The following ARID2 variants were observed in gnomAD, a reference collection of about 807,000 sequenced individuals.
ARID2 encodes the protein AT-rich interaction domain 2.
A neutral mutation model predicts 184.6 loss-of-function variants in ARID2; 32 were observed. The observed-to-expected ratio is 0.17, with a 90% CI of 0.13 to 0.23. ARID2 has a LOEUF of 0.23. Ranked by LOEUF, ARID2 falls within the 10% of genes least tolerant of loss-of-function variation. The pLI is 1.00. For missense variants in ARID2, 1,696 were observed against 2,197.6 expected (o/e 0.77, Z 4.56); for synonymous variants, 836 against 772.6 (o/e 1.08, Z -1.36).
chr12:45,836,555 A>G (rs1487099048), intron 6 of ARID2, 34 bp from the exon 7 acceptor site: 6 of 1,575,882 alleles, frequency 3.8e-6, no homozygotes, highest in Non-Finnish European at 5.2e-6. Context: ...TAGTTGTTTC[A>G]AATCATGGAG....
intron 6 of ARID2, among the ~76,000 whole-genome samples, chr12:45,833,767 T>C (rs1943163981): frequency 6.6e-6 from 1 of 152,228 alleles, no homozygotes; most frequent in East Asian, 1.9e-4. Context: ...TTCTCTATTC[T>C]AGGAATTGTT....
intron 3 of ARID2, among the ~76,000 whole-genome samples, chr12:45,736,581 G>T (rs570420147): frequency 6.6e-6 from 1 of 152,092 alleles, no homozygotes; most frequent in Non-Finnish European, 1.5e-5. Context: ...GATAAAAATG[G>T]ATTTTGTCTG....
chr12:45,907,210 G>A lies in ARID2; in HGVS notation c.*2132G>A, dbSNP rs1403597366. 4.3e-6 allele frequency: 1 copy of A among 232,730 alleles called. No homozygotes were observed. Among genetic ancestry groups the A allele is most frequent in the African/African-American group, 2.2e-5 (1 of 45,290 alleles). The allele number at this position is 232,730 out of a possible 1,614,324, so 14.4% of individuals were successfully genotyped here. On this transcript the variant is annotated 3_prime_UTR_variant, in exon 21 of 21. Transcript: ENST00000334344. ...GCCTTCAGAGCCCTCAAACTTACAAGCACCTGGTAGTTGACATCATATGGG... is the reference window on the plus strand; with the variant it reads ...GCCTTCAGAGCCCTCAAACTTACAAACACCTGGTAGTTGACATCATATGGG...
In ARID2 at chr12:45,738,124, G is replaced by T. The variant is rs536979201; in HGVS notation, c.284+6810G>T. 4.6e-5 allele frequency among the ~76,000 whole-genome samples: 7 copies of T among 151,730 alleles called. No individual in the cohort carries two copies. In the East Asian group the frequency reaches 1.4e-3, roughly 29 times the overall value. On this transcript the variant is annotated intron_variant, in intron 3 of 20. Coordinates refer to ENST00000334344, the MANE Select transcript of ARID2 (RefSeq NM_152641.4). ...AACTTTACTATATTCTTTCCAAATG[G>T]GGTACCATTTGTTTTACTGAATTTA...
intron 3 of ARID2, among the ~76,000 whole-genome samples, chr12:45,780,334 AGT>A (rs1942065711): frequency 6.6e-6 from 1 of 152,144 alleles, no homozygotes; most frequent in African/African-American, 2.4e-5. Context: ...ATGGCCTTAT[AGT>A]TAAAGAATGA....
chr12:45,811,560 C>G lies in ARID2; in HGVS notation c.418+9C>G. ...GCAACACAGTGTGTCGGGTAAATAT[C>G]ACTGCAAATTAACAGGATATATGTC... On this transcript the variant is annotated intron_variant, in intron 4 of 20. Transcript: ENST00000334344. 2 of 1,611,530 alleles carry G rather than the reference C, an allele frequency of 1.2e-6. No individual in the cohort carries two copies. The highest frequency in any genetic ancestry group is 2.2e-5 in the South Asian group (2 of 90,502).
At chr12:45,880,695 C>T (rs1331117333) in intron 16 of ARID2, among the ~76,000 whole-genome samples, 1 of 152,208 alleles carries the variant, frequency 6.6e-6, no homozygotes, top group African/African-American at 2.4e-5. Context: ...ATGCTCAACA[C>T]TTAACAGATG....
intron 4 of ARID2, among the ~76,000 whole-genome samples, chr12:45,816,858 T>G (rs1206701814): frequency 1.3e-5 from 2 of 152,156 alleles, no homozygotes; most frequent in Non-Finnish European, 2.9e-5. Context: ...GGAAAGTAAA[T>G]TTGATTTGTA....
chr12:45,776,513 A>T (rs73290797), intron 3 of ARID2, among the ~76,000 whole-genome samples: 3 of 152,220 alleles, frequency 2.0e-5, no homozygotes, highest in Non-Finnish European at 2.9e-5. Context: ...TCACTATTTT[A>T]AAAAAGCCCT....
rs1944543808 is a variant in ARID2 at position 45,907,489 on chromosome 12, C to T, written c.*2411C>T. 4.3e-6 allele frequency: 1 copy of T among 233,298 alleles called. No homozygotes were observed. The highest frequency in any genetic ancestry group is 8.5e-6 in the Non-Finnish European group (1 of 117,854). 14.5% of individuals were successfully genotyped at this position (233,298 alleles called of 1,614,324 possible). On this transcript the variant is annotated 3_prime_UTR_variant, in exon 21 of 21. Transcript: ENST00000334344. ...AATATGACTGTAGCCTTTTAAGCTT[C>T]AGTCTCAGCAGAGAATTTCCTAAAT...
chr12:45,756,173 T>G (rs1273437316), intron 3 of ARID2, among the ~76,000 whole-genome samples: 1 of 152,212 alleles, frequency 6.6e-6, no homozygotes, highest in African/African-American at 2.4e-5. Flanking sequence ...ACCAAAGTGC[T>G]GGGATTACAG....
intron 3 of ARID2, among the ~76,000 whole-genome samples, chr12:45,791,169 G>C (rs1207214601): frequency 6.6e-6 from 1 of 151,630 alleles, no homozygotes; most frequent in Non-Finnish European, 1.5e-5. Flanking sequence ...GTGCACAAGG[G>C]TTCCAGTTTC....
In ARID2 at chr12:45,851,517, A is replaced by G. The variant is rs1218637500; in HGVS notation, c.3394A>G (p.Ser1132Gly). Reference protein sequence around the residue: ...VGQQNVQLVPSAMPPSGGVQT... With the variant: ...VGQQNVQLVPGAMPPSGGVQT... ...GCAGCAAAATGTTCAGTTGGTCCCA[A>G]GTGCAATGCCACCCTCAGGGGGAGT... is the stretch of plus-strand genomic sequence containing the variant. The change falls in exon 15 of 21, where the codon AGT (serine) becomes GGT (glycine). Residue 1132 changes from serine (S) to glycine (G), a missense_variant. Ser to Gly is a moderately conservative substitution (Grantham distance 56). This residue lies in a region of ARID2 where 713 missense variants were observed against 824.4 expected (regional missense o/e 0.86). Transcript: ENST00000334344. The G allele has an allele frequency of 6.2e-7, 1 of 1,614,132 alleles. No individual in the cohort carries two copies. Among genetic ancestry groups the G allele is most frequent in the East Asian group, 2.2e-5 (1 of 44,880 alleles).
At position 45,729,852 on chromosome 12, in the gene ARID2, G is replaced by C; in HGVS notation, c.16G>C (p.Gly6Arg). The C allele has an allele frequency of 6.2e-7, 1 of 1,611,150 alleles. No homozygotes were observed. The highest frequency in any genetic ancestry group is 8.5e-7 in the Non-Finnish European group (1 of 1,179,010). Residue 6 changes from glycine to arginine, a missense_variant, in exon 1 of 21, where the codon GGG (glycine) becomes CGG (arginine). Gly to Arg is a moderately radical substitution (Grantham distance 125). Coordinates refer to ENST00000334344, the MANE Select transcript of ARID2 (RefSeq NM_152641.4). MANST[G>R]KAPPDERRKG... ...TGAAAAAATAATGGCAAACTCGACGGGGAAGGCGCCTCCGGACGAGCGGAG... is the reference window on the plus strand; with the variant it reads ...TGAAAAAATAATGGCAAACTCGACGCGGAAGGCGCCTCCGGACGAGCGGAG...
chr12:45,815,121 T>A (rs1238710857), intron 4 of ARID2, among the ~76,000 whole-genome samples: 1 of 152,178 alleles, frequency 6.6e-6, no homozygotes, highest in Admixed American at 6.5e-5. Context: ...ACATAAACTT[T>A]AGGACTGCGA....
chr12:45,850,083 C>T lies in ARID2; in HGVS notation c.1960C>T (p.Pro654Ser). The change falls in exon 15 of 21, where the codon CCT (proline) becomes TCT (serine). Residue 654 changes from proline (P) to serine (S), a missense_variant. By Grantham distance (74) the Pro-to-Ser change is moderately conservative (BLOSUM62 -1). Transcript: ENST00000334344. Reference sequence around the variant, plus strand: ...CATAGGAAACCATTTTCAGAGGACTCCTGTTGCCAACCAATCTTCAAATCT... The same window carrying T: ...CATAGGAAACCATTTTCAGAGGACTTCTGTTGCCAACCAATCTTCAAATCT... ...QTIGNHFQRTPVANQSSNLTA... is the reference protein window; with the variant it reads ...QTIGNHFQRTSVANQSSNLTA... 3 of 1,613,976 alleles carry T rather than the reference C, an allele frequency of 1.9e-6. No individual in the cohort carries two copies. Among genetic ancestry groups the T allele is most frequent in the Non-Finnish European group, 2.5e-6 (3 of 1,179,912 alleles).
At chr12:45,834,675 G>C (rs1294751214) in intron 6 of ARID2, among the ~76,000 whole-genome samples, 1 of 152,208 alleles carries the variant, frequency 6.6e-6, no homozygotes, top group East Asian at 1.9e-4. Flanking sequence ...GGGAGGCAAA[G>C]GTTGCAGTGA....
intron 3 of ARID2, among the ~76,000 whole-genome samples, chr12:45,742,533 A>G (rs1941282974): frequency 6.6e-6 from 1 of 152,226 alleles, no homozygotes; most frequent in Non-Finnish European, 1.5e-5. Context: ...CCTTCCTAAA[A>G]TAAAGCTCAT....
chr12:45,763,648 AAAAATTTTTTTT>A (rs1941720231), intron 3 of ARID2, among the ~76,000 whole-genome samples: 1 of 151,726 alleles, frequency 6.6e-6, no homozygotes, highest in Non-Finnish European at 1.5e-5. Flanking sequence ...ACAAAAAAAA[AAAAATTTTTTTT>A]AAAATTTTTT....
Sources: gnomAD v4.1 joint callset for allele counts (sites outside exome capture counted in the v4.1 genomes callset) on GRCh38, gnomAD v4.1.1 for gene constraint, gnomAD v4.1.1 regional missense constraint, MANE v1.5 for transcripts, NCBI Gene and HGNC (gene_info 2026-07-23, HGNC 2026-07-21) for gene names.